Variants in TENT4A observed in about 807,000 individuals in gnomAD.
The protein encoded by TENT4A is DNA polymerase kappa.
In TENT4A, 7 loss-of-function variants were observed where a neutral mutation model predicts 72.8. That is an observed-to-expected ratio of 0.10 (90% CI 0.05 to 0.18). TENT4A has a LOEUF of 0.18. TENT4A is among the 10% of genes least tolerant of loss of function. TENT4A has a pLI of 1.00. For synonymous variants in TENT4A, 456 were observed against 434.3 expected (o/e 1.05, Z -0.62); for missense variants, 831 against 1,017.7 (o/e 0.82, Z 2.50).
intron 1 of TENT4A, among the ~76,000 whole-genome samples, chr5:6,718,732 G>C (rs1740506183): frequency 6.6e-6 from 1 of 152,200 alleles, no homozygotes; most frequent in African/African-American, 2.4e-5. Context: ...CCATGGCCAA[G>C]CTCCACAAGG....
Position 6,756,039 on chromosome 5 carries a change from G to A in TENT4A, c.*1094G>A, listed in dbSNP as rs556852682. The A allele has an allele frequency of 1.3e-5, 2 of 152,542 alleles. No individual in the cohort carries two copies. Among genetic ancestry groups the A allele is most frequent in the South Asian group, 2.1e-4 (1 of 4,830 alleles). 9.4% of individuals were successfully genotyped at this position (152,542 alleles called of 1,614,324 possible). On this transcript the variant is annotated 3_prime_UTR_variant, in exon 13 of 13. Coordinates refer to ENST00000230859, the MANE Select transcript of TENT4A (RefSeq NM_006999.6). ...TTGATTCCGTTGAGGAATCTGTAGCGTATGCATTCGTTCTGTTAAGAGCAA... is the reference window on the plus strand; with the variant it reads ...TTGATTCCGTTGAGGAATCTGTAGCATATGCATTCGTTCTGTTAAGAGCAA...
chr5:6,735,988 C>G (rs922584202), intron 1 of TENT4A, among the ~76,000 whole-genome samples: 1 of 152,126 alleles, frequency 6.6e-6, no homozygotes. Flanking sequence ...GTCTTGATCT[C>G]CTGAACTTGT....
chr5:6,742,756 A>ATTTCTAGAATAG (rs1741874681), intron 5 of TENT4A, among the ~76,000 whole-genome samples, 159 bp downstream of exon 5: 1 of 152,250 alleles, frequency 6.6e-6, no homozygotes. Context: ...TTCTAGAGAT[A>ATTTCTAGAATAG]CTTTGAAATT....
intron 11 of TENT4A, 99 bp downstream of exon 11, chr5:6,751,296 A>T (rs1303939496): frequency 2.7e-5 from 36 of 1,313,620 alleles, no homozygotes; most frequent in Non-Finnish European, 3.6e-5. Flanking sequence ...TTGAATTAGA[A>T]GAGTAACTTT....
intron 1 of TENT4A, among the ~76,000 whole-genome samples, chr5:6,719,834 G>A (rs919863462): frequency 2.0e-5 from 3 of 152,206 alleles, no homozygotes; most frequent in African/African-American, 4.8e-5. Context: ...AAACTCAGAG[G>A]CTTAGAAGAA....
intron 1 of TENT4A, among the ~76,000 whole-genome samples, chr5:6,722,853 C>T (rs928649201): frequency 6.6e-6 from 1 of 152,176 alleles, no homozygotes; most frequent in Non-Finnish European, 1.5e-5. Context: ...ACAGCACTGT[C>T]CAGTAGAACT....
chr5:6,750,534 T>TTG (rs780918154), intron 10 of TENT4A, 31 bp downstream of exon 10: 11 of 1,529,122 alleles, frequency 7.2e-6, no homozygotes, highest in Non-Finnish European at 9.7e-6. Context: ...CGTGTGTCTG[T>TTG]TGGACAGTTT....
chr5:6,737,286 T>G (rs544221945), intron 1 of TENT4A, among the ~76,000 whole-genome samples: 14 of 152,400 alleles, frequency 9.2e-5, no homozygotes, highest in African/African-American at 3.1e-4. Context: ...CAGTTATACA[T>G]TTATTGATAC....
intron 1 of TENT4A, among the ~76,000 whole-genome samples, chr5:6,737,073 C>G (rs1741545783): frequency 6.6e-6 from 1 of 152,210 alleles, no homozygotes; most frequent in Non-Finnish European, 1.5e-5. Flanking sequence ...TTCTCAGTCC[C>G]TCCCATGCTC....
intron 3 of TENT4A, among the ~76,000 whole-genome samples, 168 bp from the exon 4 acceptor site, chr5:6,739,564 G>A (rs767865510): frequency 1.3e-5 from 2 of 152,218 alleles, no homozygotes; most frequent in South Asian, 2.1e-4. Context: ...AGGACTTGCT[G>A]TAGTTCATGA....
intron 1 of TENT4A, among the ~76,000 whole-genome samples, chr5:6,732,790 AATC>A (rs1312069560): frequency 1.3e-5 from 2 of 152,204 alleles, no homozygotes; most frequent in Admixed American, 6.5e-5. Flanking sequence ...CTAGGAAATG[AATC>A]ATTAAGAGTT....
At chr5:6,750,897 C>T in intron 10 of TENT4A, 142 bp from the exon 11 acceptor site, 1 of 841,916 alleles carries the variant, frequency 1.2e-6, no homozygotes, top group African/African-American at 1.7e-5. Context: ...TAGGTTTGGG[C>T]TGCCTGTTCA....
rs368438275 is a variant in TENT4A at position 6,754,960 on chromosome 5, G to C, written c.*15G>C. 6.4e-7 allele frequency: 1 copy of C among 1,559,950 alleles called. No individual in the cohort carries two copies. The highest frequency in any genetic ancestry group is 1.3e-5 in the African/African-American group (1 of 74,074). On this transcript the variant is annotated 3_prime_UTR_variant, in exon 13 of 13. Coordinates refer to ENST00000230859, the MANE Select transcript of TENT4A (RefSeq NM_006999.6). ...TCAGCAGATAATGGCTCCTGGCTGC[G>C]TCAGCCTCCCCCACCCCTCTGCAGA...
chr5:6,748,428 A>C (rs374186935), intron 7 of TENT4A, 36 bp from the exon 8 acceptor site: 1 of 1,609,690 alleles, frequency 6.2e-7, no homozygotes, highest in Non-Finnish European at 8.5e-7. Context: ...GATGGTGTGC[A>C]TGTGGGGAGG....
chr5:6,742,115 A>C (rs983036483), intron 4 of TENT4A, among the ~76,000 whole-genome samples: 1 of 152,260 alleles, frequency 6.6e-6, no homozygotes, highest in Non-Finnish European at 1.5e-5. Flanking sequence ...AAGTTACATT[A>C]AATGATTTCA....
At chr5:6,748,435 G>A (rs1336783882) in intron 7 of TENT4A, 29 bp from the exon 8 acceptor site, 9 of 1,612,276 alleles carry the variant, frequency 5.6e-6, no homozygotes, top group Non-Finnish European at 6.8e-6. Flanking sequence ...TGCATGTGGG[G>A]AGGGTCTGAC....
intron 1 of TENT4A, among the ~76,000 whole-genome samples, chr5:6,736,731 C>T (rs962689898): frequency 2.0e-5 from 3 of 152,290 alleles, no homozygotes; most frequent in Middle Eastern, 3.4e-3. Flanking sequence ...TTTGAGGTGG[C>T]GGCGTGAGGC....
intron 1 of TENT4A, among the ~76,000 whole-genome samples, chr5:6,722,830 G>A (rs1257844445): frequency 6.6e-6 from 1 of 152,218 alleles, no homozygotes; most frequent in Non-Finnish European, 1.5e-5. Flanking sequence ...GGAACATTAA[G>A]TAGGCAACTA....
intron 1 of TENT4A, among the ~76,000 whole-genome samples, chr5:6,722,368 TTTGAAAATACAACTTC>T (rs2126601685): frequency 6.6e-6 from 1 of 152,296 alleles, no homozygotes; most frequent in South Asian, 2.1e-4. Flanking sequence ...TTTCTTGGTT[TTTGAAAATACAACTTC>T]CACTTTCAGA....
Sources: allele counts gnomAD v4.1 joint callset (sites outside exome capture counted in the v4.1 genomes callset), GRCh38; gene constraint gnomAD v4.1.1; transcripts MANE v1.5; gene names NCBI Gene and HGNC (gene_info 2026-07-23, HGNC 2026-07-21).